The following MME variants were observed in gnomAD, a reference collection of about 807,000 sequenced individuals.
The protein encoded by MME is neprilysin.
In MME, 98 loss-of-function variants were observed where a neutral mutation model predicts 113.2. The ratio of observed to expected loss-of-function variants is 0.87; its 90% CI spans 0.74 to 1.02. MME has a LOEUF of 1.02. Ranked by LOEUF, MME falls within the 50% of genes least tolerant of loss-of-function variation. The pLI is 0.00. For synonymous variants in MME, 292 were observed against 300.6 expected, an observed-to-expected ratio of 0.97 and a Z score of 0.30; for missense variants, 836 against 896.0, an observed-to-expected ratio of 0.93 and a Z score of 0.86.
chr3:155,040,913 A>T (rs1454762778), intron 1 of MME, among the ~76,000 whole-genome samples: 1 of 152,150 alleles, frequency 6.6e-6, no homozygotes, highest in Non-Finnish European at 1.5e-5. Context: ...TTTGTTTTTA[A>T]TTTGTGGCTC....
chr3:155,104,063 G>C (rs760003730), intron 3 of MME, among the ~76,000 whole-genome samples: 1 of 152,174 alleles, frequency 6.6e-6, no homozygotes, highest in Non-Finnish European at 1.5e-5. Flanking sequence ...TCTAGATATA[G>C]TTACCATCTA....
rs758126893 is a variant in MME, at chr3:155,138,200, G to T, written c.819G>T (p.Met273Ile). ...PIDENQLALE[M>I]NKVMELEKEI... ...ATGAAAACCAGCTTGCTTTGGAAAT[G>T]AATAAAGTTATGGAATTGGAAAAAG... The change falls in exon 9 of 23, where the codon ATG becomes ATT. Residue 273 changes from methionine to isoleucine, a missense_variant. By Grantham distance (10) the Met-to-Ile change is conservative. Coordinates refer to ENST00000360490, the MANE Select transcript of MME (RefSeq NM_007289.4). 1 of 1,613,568 alleles carries T rather than the reference G, an allele frequency of 6.2e-7. No individual in the cohort carries two copies. Among genetic ancestry groups the T allele is most frequent in the South Asian group, 1.1e-5 (1 of 91,066 alleles).
At chr3:155,054,778 T>C (rs752449446) in intron 1 of MME, among the ~76,000 whole-genome samples, 61 of 152,130 alleles carry the variant, frequency 4.0e-4, no homozygotes, top group Non-Finnish European at 6.8e-4. Flanking sequence ...GATCACACCA[T>C]TGCACTCTTG....
intron 3 of MME, among the ~76,000 whole-genome samples, chr3:155,102,551 A>G (rs886947729): frequency 6.6e-6 from 1 of 152,136 alleles, no homozygotes; most frequent in African/African-American, 2.4e-5. Context: ...ACTTGCTCTC[A>G]CTTGGGCTTG....
chr3:155,047,956 G>C (rs746974722), intron 1 of MME, among the ~76,000 whole-genome samples: 6 of 152,042 alleles, frequency 3.9e-5, no homozygotes, highest in Non-Finnish European at 8.8e-5. Flanking sequence ...TTAGTATGAG[G>C]GTGTTTTGAG....
intron 1 of MME, among the ~76,000 whole-genome samples, chr3:155,037,603 C>G (rs1713168711): frequency 1.3e-5 from 2 of 151,980 alleles, no homozygotes; most frequent in Non-Finnish European, 1.5e-5. Flanking sequence ...TTGTTTAGGG[C>G]TCAGAAAGAT....
In MME at chr3:155,029,389, C is replaced by T. The variant is rs567538909; in HGVS notation, c.-11+5065C>T. On this transcript the variant is annotated intron_variant, in intron 1 of 22. Transcript: ENST00000492661. ...TAGGTCCTTTTAGTTTTATTTATATCATAGTCCTTTAATTTAAATAACCTC... is the reference window on the plus strand; with the variant it reads ...TAGGTCCTTTTAGTTTTATTTATATTATAGTCCTTTAATTTAAATAACCTC... 8.6e-5 allele frequency among the ~76,000 whole-genome samples: 13 copies of T among 152,042 alleles called. No homozygotes were observed. The East Asian group carries it at 2.5e-3, about 29-fold the overall frequency.
chr3:155,116,786 A>G, intron 6 of MME, 27 bp downstream of exon 6: 1 of 1,593,536 alleles, frequency 6.3e-7, no homozygotes, highest in Non-Finnish European at 8.6e-7. Flanking sequence ...ACTAAAAAAG[A>G]AATTTCCATG....
chr3:155,172,757 G>A (rs573922055), intron 22 of MME, 145 bp downstream of exon 22: 4 of 678,052 alleles, frequency 5.9e-6, no homozygotes, highest in East Asian at 5.7e-5. Context: ...AGGTAGGATC[G>A]AGAGAACACA....
At position 155,166,912 on chromosome 3, in the gene MME, C is replaced by T. The variant is rs199570214; in HGVS notation, c.1671C>T (p.Ala557=). 160 of 1,613,606 alleles carry T rather than the reference C, an allele frequency of 9.9e-5. No homozygotes were observed. Among genetic ancestry groups the T allele is most frequent in the Non-Finnish European group, 1.3e-4 (148 of 1,179,698 alleles). ...CTTCTCTCCTTGTAGTCTTCCCAGC[C>T]GGCATTCTGCAGCCCCCCTTCTTTA... ...SSGRNQIVFP[A]GILQPPFFSA... Residue 557 remains alanine, a synonymous_variant, in exon 18 of 23, where the codon GCC becomes GCT. Coordinates refer to ENST00000360490, the MANE Select transcript of MME (RefSeq NM_007289.4).
At chr3:155,170,573 T>A (rs1227772093) in intron 20 of MME, among the ~76,000 whole-genome samples, 4 of 152,208 alleles carry the variant, frequency 2.6e-5, no homozygotes, top group African/African-American at 9.6e-5. Flanking sequence ...TTGTCCTGTG[T>A]AAGTACCATA....
intron 16 of MME, among the ~76,000 whole-genome samples, chr3:155,149,363 A>G (rs1721754077): frequency 1.3e-5 from 2 of 152,118 alleles, no homozygotes; most frequent in Admixed American, 1.3e-4. Context: ...TTTGACCATA[A>G]AGTCTCAGCA....
Position 155,115,105 on chromosome 3 carries a change from G to A in MME, c.308G>A (p.Arg103His), listed in dbSNP as rs574482291. The A allele has an allele frequency of 7.4e-6, 12 of 1,614,064 alleles. No homozygotes were observed. Among genetic ancestry groups the A allele is most frequent in the East Asian group, 4.5e-5 (2 of 44,850 alleles). ...AATGTCATTCCCGAGACCAGCTCCCGTTACGGCAACTTTGACATTTTAAGA... is the reference window on the plus strand; with the variant it reads ...AATGTCATTCCCGAGACCAGCTCCCATTACGGCAACTTTGACATTTTAAGA... ...KRNVIPETSS[R>H]YGNFDILRDE... is the part of the protein sequence containing the mutation. The change falls in exon 4 of 23, where the codon CGT becomes CAT. Residue 103 changes from arginine to histidine, a missense_variant. By Grantham distance (29) the Arg-to-His change is conservative. Coordinates refer to ENST00000360490, the MANE Select transcript of MME (RefSeq NM_007289.4).
Position 155,039,763 on chromosome 3 carries a change from A to C in MME, c.-11+15439A>C, listed in dbSNP as rs767064565. Among the ~76,000 whole-genome samples, 109 of 152,270 alleles carry C rather than the reference A, an allele frequency of 7.2e-4. 1 individual carries two copies. Among genetic ancestry groups the C allele is most frequent in the Non-Finnish European group, 1.4e-3 (92 of 68,020 alleles). ...CTTACTCTTAAATGATTTAGAAAAA[A>C]AAGTAAGTATAAAATGAAATATATG... On this transcript the variant is annotated intron_variant, in intron 1 of 22. Transcript: ENST00000492661.
intron 14 of MME, among the ~76,000 whole-genome samples, chr3:155,144,854 C>A (rs1311775451): frequency 6.6e-6 from 1 of 151,992 alleles, no homozygotes; most frequent in Admixed American, 6.6e-5. Flanking sequence ...CTCAGGAAAT[C>A]TTAGGTTTAA....
chr3:155,159,925 T>C (rs1722592097), intron 16 of MME, among the ~76,000 whole-genome samples: 1 of 152,070 alleles, frequency 6.6e-6, no homozygotes, highest in South Asian at 2.1e-4. Context: ...TGAGATATCT[T>C]AGTTCCCAAA....
chr3:155,111,167 C>T (rs1001920740), intron 3 of MME, among the ~76,000 whole-genome samples: 6 of 152,272 alleles, frequency 3.9e-5, no homozygotes, highest in Admixed American at 6.5e-5. Flanking sequence ...ACAAGTCTAC[C>T]GCTGACTTCA....
Position 155,180,833 on chromosome 3 carries a change from TAC to T in MME, c.*376_*377del, listed in dbSNP as rs1294310395. The stretch of plus-strand genomic sequence containing the variant: ...AAAGGGAAAAGAAGATGTTGAAGAA[TAC>T]AGTTAGGCACCAGAAGAACAGTAGG... On this transcript the variant is annotated 3_prime_UTR_variant, in exon 23 of 23. Transcript: ENST00000360490. 3.8e-6 allele frequency: 1 copy of T among 265,512 alleles called. No homozygotes were observed. Among genetic ancestry groups the T allele is most frequent in the Non-Finnish European group, 7.4e-6 (1 of 134,496 alleles). 16.4% of individuals were successfully genotyped at this position (265,512 alleles called of 1,614,324 possible).
chr3:155,143,001 T>G (rs1411704450), intron 12 of MME, among the ~76,000 whole-genome samples: 4 of 152,170 alleles, frequency 2.6e-5, no homozygotes, highest in African/African-American at 9.6e-5. Flanking sequence ...CTCCCTTACT[T>G]AGGTTATCCT....
Sources: gnomAD v4.1 joint callset for allele counts (sites outside exome capture counted in the v4.1 genomes callset) on GRCh38, gnomAD v4.1.1 for gene constraint, MANE v1.5 for transcripts, NCBI Gene and HGNC (gene_info 2026-07-23, HGNC 2026-07-21) for gene names.